KIAA0586: variants seen among roughly 807,000 people sequenced by gnomAD.
KIAA0586 encodes protein TALPID3.
In KIAA0586, 144 loss-of-function variants were observed where a neutral mutation model predicts 169.8. That is an observed-to-expected ratio of 0.85 (90% CI 0.74 to 0.97). The LOEUF is 0.97. Ranked by LOEUF, KIAA0586 falls within the 50% of genes least tolerant of loss-of-function variation. The probability of loss-of-function intolerance (pLI) is 0.00; values close to 1 mark genes in which losing one functional copy is unlikely to be tolerated. For missense variants in KIAA0586, 1,854 were observed against 1,823.0 expected (o/e 1.02, Z -0.31); for synonymous variants, 625 against 612.4 (o/e 1.02, Z -0.30).
At chr14:58,508,949 G>T (rs2044196412) in intron 28 of KIAA0586, among the ~76,000 whole-genome samples, 1 of 152,110 alleles carries the variant, frequency 6.6e-6, no homozygotes, top group African/African-American at 2.4e-5. Context: ...TAAAATAATG[G>T]CCAGGTGCAA....
rs191271194 is a variant in KIAA0586, at chr14:58,532,989, C to G, written c.4430-7082C>G. On this transcript the variant is annotated intron_variant, in intron 29 of 30. Coordinates refer to ENST00000652326, the MANE Select transcript of KIAA0586 (RefSeq NM_001329943.3). ...TTGTCAGCTCAGAATGGTCAGGAACCTTTTTTTGTGATAAGCCTCACAGAG... is the reference window on the plus strand; with the variant it reads ...TTGTCAGCTCAGAATGGTCAGGAACGTTTTTTTGTGATAAGCCTCACAGAG... Among the ~76,000 whole-genome samples the G allele has an allele frequency of 1.3e-4, 20 of 152,216 alleles. 1 individual carries two copies. In the East Asian group the frequency reaches 3.5e-3, roughly 26 times the overall value.
At chr14:58,442,663 A>T (rs762439112) in intron 4 of KIAA0586, 43 bp from the exon 5 acceptor site, 1 of 1,353,060 alleles carries the variant, frequency 7.4e-7, no homozygotes, top group Non-Finnish European at 1.0e-6. Context: ...AAATGTTTCA[A>T]TGTAGTTTAC....
chr14:58,434,043 T>C (rs1006024284), intron 4 of KIAA0586, among the ~76,000 whole-genome samples: 1 of 151,774 alleles, frequency 6.6e-6, no homozygotes, highest in Non-Finnish European at 1.5e-5. Context: ...TGCTGAATGA[T>C]AGGAAAAAAG....
chr14:58,512,585 C>G lies in KIAA0586; in HGVS notation c.4387C>G (p.Arg1463Gly). ...VEHKPSQSYL[R>G]VRNKSDIAPS... is the part of the protein sequence containing the mutation. ...ACACAAACCATCACAAAGTTACCTA[C>G]GTGTTAGAAATAAATCTGATATTGC... The change falls in exon 29 of 31, where the codon CGT becomes GGT. Residue 1463 changes from arginine to glycine, a missense_variant. Physicochemically the swap from Arg to Gly is moderately radical, Grantham distance 125. Coordinates refer to ENST00000652326, the MANE Select transcript of KIAA0586 (RefSeq NM_001329943.3). 4 of 1,540,572 alleles carry G rather than the reference C, an allele frequency of 2.6e-6. No homozygotes were observed. The highest frequency in any genetic ancestry group is 3.5e-6 in the Non-Finnish European group (4 of 1,151,692).
intron 12 of KIAA0586, 71 bp from the exon 13 acceptor site, chr14:58,459,772 T>C: frequency 1.2e-6 from 1 of 861,562 alleles, no homozygotes; most frequent in Non-Finnish European, 1.7e-6. Context: ...AAATAAATTC[T>C]AATACTTTCT....
intron 30 of KIAA0586, among the ~76,000 whole-genome samples, chr14:58,545,317 C>G (rs1229202749): frequency 6.6e-6 from 1 of 152,214 alleles, no homozygotes; most frequent in Non-Finnish European, 1.5e-5. Context: ...TTCCTTGAGA[C>G]TTGGAAACTT....
intron 20 of KIAA0586, among the ~76,000 whole-genome samples, chr14:58,478,098 T>C (rs1440970338): frequency 6.6e-6 from 1 of 152,176 alleles, no homozygotes; most frequent in African/African-American, 2.4e-5. Context: ...TAACTCACTG[T>C]AACCTCTAAC....
At chr14:58,443,573 G>A (rs1345102683) in intron 5 of KIAA0586, among the ~76,000 whole-genome samples, 6 of 152,022 alleles carry the variant, frequency 3.9e-5, no homozygotes, top group African/African-American at 1.2e-4. Context: ...CAGGCCGCAC[G>A]CCACCATGCC....
At chr14:58,476,383 G>A (rs2041626014) in intron 19 of KIAA0586, among the ~76,000 whole-genome samples, 1 of 152,058 alleles carries the variant, frequency 6.6e-6, no homozygotes, top group Non-Finnish European at 1.5e-5. Flanking sequence ...ATTTTAAGAG[G>A]AAAACTACCT....
chr14:58,439,088 A>G (rs553693845), intron 4 of KIAA0586, among the ~76,000 whole-genome samples: 2 of 152,312 alleles, frequency 1.3e-5, no homozygotes, highest in East Asian at 3.9e-4. Flanking sequence ...GTGTCATGGT[A>G]AGACCTCTGG....
intron 5 of KIAA0586, 124 bp from the exon 6 acceptor site, chr14:58,443,830 A>G: frequency 3.1e-6 from 2 of 635,798 alleles, no homozygotes; most frequent in South Asian, 2.1e-5. Flanking sequence ...TTAGACATTT[A>G]GTGGGTAAAG....
At chr14:58,471,507 G>A (rs1320287463) in intron 17 of KIAA0586, among the ~76,000 whole-genome samples, 1 of 152,258 alleles carries the variant, frequency 6.6e-6, no homozygotes, top group East Asian at 1.9e-4. Flanking sequence ...CTTACCCCAG[G>A]TTTTGTTTAT....
intron 27 of KIAA0586, among the ~76,000 whole-genome samples, chr14:58,505,450 A>G (rs1487019588): frequency 6.6e-6 from 1 of 152,206 alleles, no homozygotes; most frequent in African/African-American, 2.4e-5. Context: ...GTTGTGTTTT[A>G]TATACTCCTC....
intron 14 of KIAA0586, among the ~76,000 whole-genome samples, chr14:58,461,751 G>A (rs1326254467): frequency 1.3e-5 from 2 of 152,186 alleles, no homozygotes; most frequent in African/African-American, 4.8e-5. Context: ...GCCATTTGCT[G>A]TTTATTATAA....
Position 58,549,427 on chromosome 14 carries a change from T to C in KIAA0586, c.*1495T>C, listed in dbSNP as rs1309462991. On this transcript the variant is annotated 3_prime_UTR_variant, in exon 31 of 31. Transcript: ENST00000652326. ...AAGAGCAATTTAGAATTCCTTAAAC[T>C]TCTAGTAGGAGCCATTGCCTGGGGA... 6.6e-6 allele frequency: 1 copy of C among 152,106 alleles called. No homozygotes were observed. The highest frequency in any genetic ancestry group is 2.4e-5 in the African/African-American group (1 of 41,410). 9.4% of individuals were successfully genotyped at this position (152,106 alleles called of 1,614,324 possible).
intron 27 of KIAA0586, among the ~76,000 whole-genome samples, chr14:58,506,591 G>A (rs1566914953): frequency 6.6e-6 from 1 of 151,822 alleles, no homozygotes; most frequent in Non-Finnish European, 1.5e-5. Flanking sequence ...GGAGGCTGAG[G>A]CAGAAGAATC....
chr14:58,500,741 G>T (rs375304372), intron 27 of KIAA0586, among the ~76,000 whole-genome samples: 194 of 146,716 alleles, frequency 1.3e-3, no homozygotes, highest in African/African-American at 4.7e-3. Context: ...AAAAAGAAAA[G>T]AAACACTAGA....
chr14:58,458,934 G>T (rs28711303), intron 12 of KIAA0586, among the ~76,000 whole-genome samples: 14,605 of 152,174 alleles, frequency 0.096, 897 homozygotes, highest in African/African-American at 0.17. Flanking sequence ...GATTTACTAA[G>T]TTTACGGAAG....
At chr14:58,481,384 A>G (rs2042019148) in intron 20 of KIAA0586, among the ~76,000 whole-genome samples, 1 of 152,240 alleles carries the variant, frequency 6.6e-6, no homozygotes, top group Non-Finnish European at 1.5e-5. Flanking sequence ...TGAGAAGTAC[A>G]ACCCATTCAG....
Sources: allele counts gnomAD v4.1 joint callset (sites outside exome capture counted in the v4.1 genomes callset), GRCh38; gene constraint gnomAD v4.1.1; transcripts MANE v1.5; gene names NCBI Gene and HGNC (gene_info 2026-07-23, HGNC 2026-07-21).